Variants in SETD5 observed in about 807,000 individuals in gnomAD.
SETD5 encodes the protein SET domain containing 5.
SETD5 carries 44 observed loss-of-function variants against 153.3 expected under a neutral mutation model. The observed-to-expected ratio is 0.29, with a 90% CI of 0.23 to 0.37. The LOEUF is 0.37. Among genes scored for constraint, SETD5 ranks in the 10% least tolerant of loss-of-function variants. The probability of loss-of-function intolerance (pLI) is 1.00; values close to 1 mark genes in which losing one functional copy is unlikely to be tolerated. For synonymous variants in SETD5, 716 were observed against 645.2 expected (o/e 1.11, Z -1.66); for missense variants, 1,544 against 1,768.0 (o/e 0.87, Z 2.27).
rs1412309993 is a variant in SETD5 at position 9,474,516 on chromosome 3, G to A, written c.3565G>A (p.Val1189Met). ...CATCCCCAAGGTCCTCCGAAGCAGC[G>A]TGAGGGTGGCCCAAAAGGGAGAGCC... is the stretch of plus-strand genomic sequence containing the variant. ...GSIPKVLRSS[V>M]RVAQKGEPSP... is the part of the protein sequence containing the mutation. The change falls in exon 21 of 23, where the codon GTG (valine) becomes ATG (methionine). Residue 1189 changes from valine (V) to methionine (M), a missense_variant. By Grantham distance (21) the Val-to-Met change is conservative. Around this residue, in one of 9 missense-constraint regions of SETD5, gnomAD observed 38 missense variants for 71.4 expected, o/e 0.53. Transcript: ENST00000402198. 4.3e-6 allele frequency: 7 copies of A among 1,613,728 alleles called. No homozygotes were observed. The highest frequency in any genetic ancestry group is 3.3e-5 in the South Asian group (3 of 91,068).
At chr3:9,440,914 A>G (rs189257051) in intron 8 of SETD5, among the ~76,000 whole-genome samples, 59 of 152,320 alleles carry the variant, frequency 3.9e-4, no homozygotes, top group Non-Finnish European at 7.1e-4. Context: ...AAAAAAATAG[A>G]TGAATTGAGG....
chr3:9,473,660 C>T, intron 20 of SETD5, 123 bp downstream of exon 20: 1 of 955,068 alleles, frequency 1.0e-6, no homozygotes, highest in Non-Finnish European at 1.6e-6. Flanking sequence ...AGACAGCCAG[C>T]CAACAGTACC....
chr3:9,459,916 T>G (rs1309049449), intron 17 of SETD5, among the ~76,000 whole-genome samples: 1 of 152,066 alleles, frequency 6.6e-6, no homozygotes, highest in Non-Finnish European at 1.5e-5. Context: ...AATATCTAGC[T>G]GAAAAATTGC....
chr3:9,404,772 G>A (rs994089473), intron 1 of SETD5, among the ~76,000 whole-genome samples: 2 of 152,144 alleles, frequency 1.3e-5, no homozygotes, highest in Non-Finnish European at 2.9e-5. Context: ...AGAAGTTCCT[G>A]GTAAAAGTGA....
At position 9,447,125 on chromosome 3, in the gene SETD5, C is replaced by G. The variant is rs200917280; in HGVS notation, c.1600C>G (p.Gln534Glu). The stretch of plus-strand genomic sequence containing the variant: ...AGAGAAAAGAAAGAAGCGGCGGGAT[C>G]AGCCCTTGGAACAGAGCAACTCTGA... Reference protein sequence around the residue: ...NLEKRKKRRDQPLEQSNSDVE... With the variant: ...NLEKRKKRRDEPLEQSNSDVE... The change falls in exon 14 of 23, where the codon CAG (glutamine) becomes GAG (glutamate). Residue 534 changes from glutamine to glutamate, a missense_variant. Gln to Glu is a conservative substitution (Grantham distance 29). Around this residue, in one of 9 missense-constraint regions of SETD5, gnomAD observed 782 missense variants for 787.2 expected, o/e 0.99. Transcript: ENST00000402198. 3.7e-5 allele frequency: 59 copies of G among 1,613,872 alleles called. No homozygotes were observed. Among genetic ancestry groups the G allele is most frequent in the Non-Finnish European group, 4.7e-5 (56 of 1,179,904 alleles).
chr3:9,431,477 A>T, intron 3 of SETD5: 1 of 943,200 alleles, frequency 1.1e-6, no homozygotes, highest in Non-Finnish European at 1.3e-6. Context: ...AAACTAGTAT[A>T]TATATCAAGG....
At position 9,440,524 on chromosome 3, in the gene SETD5, A is replaced by G. The variant is rs1281118357; in HGVS notation, c.636A>G (p.Leu212=). ...TTEGWENRIR[L]WTDQYEEAFT... The stretch of plus-strand genomic sequence containing the variant: ...AGGGCTGGGAAAATCGGATAAGACT[A>G]TGGACTGACCAGTATGAAGAAGCTT... The change falls in exon 8 of 23, where the codon CTA becomes CTG. Residue 212 remains leucine, a synonymous_variant. Transcript: ENST00000402198. 5.6e-6 allele frequency: 9 copies of G among 1,613,688 alleles called. No homozygotes were observed. Among genetic ancestry groups the G allele is most frequent in the African/African-American group, 2.7e-5 (2 of 74,948 alleles).
intron 16 of SETD5, among the ~76,000 whole-genome samples, chr3:9,453,399 A>G (rs2042856331): frequency 6.6e-6 from 1 of 152,150 alleles, no homozygotes; most frequent in African/African-American, 2.4e-5. Flanking sequence ...CTATACGATC[A>G]CAGTCTCTCC....
At chr3:9,473,575 G>C (rs1471820946) in intron 20 of SETD5, 38 bp downstream of exon 20, 1 of 1,548,200 alleles carries the variant, frequency 6.5e-7, no homozygotes, top group African/African-American at 1.4e-5. Context: ...TAAATTGGGG[G>C]TGGGGGGGAG....
intron 16 of SETD5, 37 bp from the exon 17 acceptor site, chr3:9,453,702 T>C (rs2042892407): frequency 1.3e-6 from 2 of 1,552,334 alleles, no homozygotes; most frequent in Non-Finnish European, 1.7e-6. Context: ...TAGTTTTAGA[T>C]AATTATTGAT....
Position 9,399,112 on chromosome 3 carries a change from C to T in SETD5, c.-177+1135C>T, listed in dbSNP as rs867657891. Among the ~76,000 whole-genome samples the T allele has an allele frequency of 9.8e-5, 15 of 152,292 alleles. No individual in the cohort carries two copies. In the Middle Eastern group the frequency reaches 0.01, roughly 104 times the overall value. On this transcript the variant is annotated intron_variant, in intron 1 of 22. Coordinates refer to ENST00000402198, the MANE Select transcript of SETD5 (RefSeq NM_001080517.3). ...GAATCCCCAAGTTCTGTGCTAATTACCTTCATCAGTTGACTAAACAAGTTT... is the reference window on the plus strand; with the variant it reads ...GAATCCCCAAGTTCTGTGCTAATTATCTTCATCAGTTGACTAAACAAGTTT...
chr3:9,435,701 C>T (rs1326430742), intron 6 of SETD5, 27 bp from the exon 7 acceptor site: 1 of 1,539,920 alleles, frequency 6.5e-7, no homozygotes, highest in Non-Finnish European at 8.7e-7. Flanking sequence ...CTATTAGTAC[C>T]TGAACTATGA....
At chr3:9,433,446 C>CA in intron 3 of SETD5, 1 of 1,289,904 alleles carries the variant, frequency 7.8e-7, no homozygotes, top group Non-Finnish European at 1.0e-6. Context: ...TCATCTCACT[C>CA]ACTGCAAATG....
At chr3:9,464,341 G>A in intron 17 of SETD5, 84 bp from the exon 18 acceptor site, 17 of 1,524,958 alleles carry the variant, frequency 1.1e-5, no homozygotes, top group Non-Finnish European at 1.4e-5. Context: ...AAGAGCCATT[G>A]TAGATTACAG....
rs1454796475 is a variant in SETD5 at position 9,434,361 on chromosome 3, G to A, written c.205G>A (p.Gly69Ser). The A allele has an allele frequency of 6.2e-7, 1 of 1,613,854 alleles. No individual in the cohort carries two copies. Among genetic ancestry groups the A allele is most frequent in the Admixed American group, 1.7e-5 (1 of 60,020 alleles). Residue 69 changes from glycine to serine, a missense_variant, in exon 5 of 23, where the codon GGC becomes AGC. By Grantham distance (56) the Gly-to-Ser change is moderately conservative. Transcript: ENST00000402198. This position sits in a 1 kb window ranked among gnomAD's most constrained non-coding sequence, Gnocchi z 5.6. ...ATIIPRSDLN[G>S]LPSPVEERCG... ...GATCATCCCTCGTTCTGACCTGAAT[G>A]GCCTGCCGTCGCCTGTAGAGGAACG...
chr3:9,440,427 A>T, intron 7 of SETD5, 29 bp from the exon 8 acceptor site: 1 of 1,241,220 alleles, frequency 8.1e-7, no homozygotes, highest in Non-Finnish European at 1.2e-6. Context: ...CATGGACTTT[A>T]CTAACCTCCC....
chr3:9,473,844 A>G (rs1303628505), intron 20 of SETD5, among the ~76,000 whole-genome samples: 1 of 152,238 alleles, frequency 6.6e-6, no homozygotes. Flanking sequence ...CTCATTTCAC[A>G]TGAAAGGTGA....
intron 1 of SETD5, among the ~76,000 whole-genome samples, chr3:9,414,345 A>G (rs1203341586): frequency 1.3e-5 from 2 of 152,138 alleles, no homozygotes; most frequent in Middle Eastern, 3.2e-3. Context: ...GAAATTCTTA[A>G]TTCATTGAAG....
At chr3:9,433,722 C>T (rs1291766153) in intron 3 of SETD5, 123 bp from the exon 4 acceptor site, 1 of 1,050,802 alleles carries the variant, frequency 9.5e-7, no homozygotes, top group African/African-American at 1.6e-5. Flanking sequence ...TCACCGAGTT[C>T]TTTCTCTTAT....
Sources: allele counts gnomAD v4.1 joint callset (sites outside exome capture counted in the v4.1 genomes callset), GRCh38; gene constraint gnomAD v4.1.1; regional missense constraint gnomAD v4.1.1; non-coding constraint Gnocchi (gnomAD v3.1); transcripts MANE v1.5; gene names NCBI Gene and HGNC (gene_info 2026-07-23, HGNC 2026-07-21).